MYT1L: variants seen among roughly 807,000 people sequenced by gnomAD.
The protein encoded by MYT1L is myelin transcription factor 1 like.
A neutral mutation model predicts 126.7 loss-of-function variants in MYT1L; 12 were observed. The observed-to-expected ratio is 0.09, with a 90% CI of 0.06 to 0.15. The LOEUF (loss-of-function observed/expected upper bound fraction) is 0.15. MYT1L is among the 10% of genes least tolerant of loss of function. The pLI, the probability that MYT1L is intolerant of heterozygous loss-of-function variation, is 1.00. For synonymous variants in MYT1L, 541 were observed against 604.2 expected (o/e 0.90, Z 1.53); for missense variants, 979 against 1,585.2 (o/e 0.62, Z 6.49).
At chr2:2,171,420 A>G (rs891857641) in intron 3 of MYT1L, among the ~76,000 whole-genome samples, 2 of 152,212 alleles carry the variant, frequency 1.3e-5, no homozygotes, top group Non-Finnish European at 2.9e-5. Flanking sequence ...CCAGTTCAAC[A>G]AAGCCACATG....
At position 2,030,137 on chromosome 2, in the gene MYT1L, G is replaced by A. The variant is rs141886895; in HGVS notation, c.-158+23841C>T. Reference sequence around the variant, plus strand: ...TTTTAAGATGGAGTCTTGCTCTGTCGCCCAGGCTGGAGTGCAATGGTGTGA... The same window carrying A: ...TTTTAAGATGGAGTCTTGCTCTGTCACCCAGGCTGGAGTGCAATGGTGTGA... On this transcript the variant is annotated intron_variant, in intron 4 of 24. Coordinates refer to ENST00000647738, the MANE Select transcript of MYT1L (RefSeq NM_001303052.2). Among the ~76,000 whole-genome samples, 290 of 152,206 alleles carry A rather than the reference G, an allele frequency of 1.9e-3. 2 individuals are homozygous for A. The highest frequency in any genetic ancestry group is 6.6e-3 in the African/African-American group (275 of 41,534).
chr2:2,298,346 C>G (rs2095729441), intron 1 of MYT1L, among the ~76,000 whole-genome samples: 2 of 152,152 alleles, frequency 1.3e-5, no homozygotes, highest in African/African-American at 4.8e-5. Flanking sequence ...ATAAGAGATG[C>G]AATGAGAGAC....
intron 2 of MYT1L, among the ~76,000 whole-genome samples, chr2:2,203,949 T>C (rs926199681): frequency 6.6e-6 from 1 of 152,080 alleles, no homozygotes; most frequent in African/African-American, 2.4e-5. Flanking sequence ...CCCTCAGAAA[T>C]AATGACACAT....
intron 2 of MYT1L, among the ~76,000 whole-genome samples, chr2:2,219,740 G>T (rs1553571671): frequency 6.6e-6 from 1 of 152,172 alleles, no homozygotes; most frequent in Non-Finnish European, 1.5e-5. Flanking sequence ...GTGAGGTCCT[G>T]TTCCAGCCAA....
intron 18 of MYT1L, among the ~76,000 whole-genome samples, chr2:1,861,996 G>GATCTGCCTGCAGCCTGAGT (rs1553273059): frequency 7.9e-5 from 12 of 152,140 alleles, no homozygotes; most frequent in African/African-American, 2.2e-4. Context: ...TGTAATCCTG[G>GATCTGCCTGCAGCCTGAGT]AATTCGCTGA....
rs938582989 is a variant in MYT1L at position 1,912,227 on chromosome 2, C to T, written c.1619-117G>A. On this transcript the variant is annotated intron_variant, in intron 11 of 24. Coordinates refer to ENST00000647738, the MANE Select transcript of MYT1L (RefSeq NM_001303052.2). The surrounding 1 kb of genome is among the most constrained non-coding windows in gnomAD (Gnocchi z 4.3). ...CGCTCATGATAGACAGTCCTACAAACGTTTGTGATGGGCATGGCCAGGAAA... is the reference window on the plus strand; with the variant it reads ...CGCTCATGATAGACAGTCCTACAAATGTTTGTGATGGGCATGGCCAGGAAA... The T allele has an allele frequency of 2.0e-5, 12 of 605,126 alleles. No individual in the cohort carries two copies. The highest frequency in any genetic ancestry group is 1.1e-4 in the African/African-American group (6 of 53,422). The allele number at this position is 605,126 out of a possible 1,614,324, so 37.5% of individuals were successfully genotyped here.
chr2:1,956,218 T>TATCTATCC (rs1558529826), intron 8 of MYT1L, among the ~76,000 whole-genome samples: 3 of 133,650 alleles, frequency 2.2e-5, no homozygotes, highest in Admixed American at 7.0e-5. Flanking sequence ...TCTATCTATC[T>TATCTATCC]ATCTATCTGT....
At chr2:2,072,646 C>A (rs1361401775) in intron 3 of MYT1L, among the ~76,000 whole-genome samples, 2 of 152,138 alleles carry the variant, frequency 1.3e-5, no homozygotes, top group Middle Eastern at 3.2e-3. Flanking sequence ...CAATTGTAAT[C>A]CCCAGGAGTT....
At chr2:1,825,685 T>C (rs2039213934) in intron 21 of MYT1L, 1 of 152,184 alleles carries the variant, frequency 6.6e-6, no homozygotes, top group South Asian at 2.1e-4. Context: ...TGTTAATTTT[T>C]TGTTTGTATA....
chr2:2,218,749 G>C (rs2093765544), intron 2 of MYT1L, among the ~76,000 whole-genome samples: 1 of 152,198 alleles, frequency 6.6e-6, no homozygotes, highest in Non-Finnish European at 1.5e-5. Context: ...ATAAATGAGA[G>C]GGTTTGGTGA....
intron 8 of MYT1L, chr2:1,974,691 G>T (rs2060040433): frequency 6.6e-6 from 1 of 152,100 alleles, no homozygotes; most frequent in Non-Finnish European, 1.5e-5. Flanking sequence ...CGTCTCTAAG[G>T]AGCTGACTTA....
chr2:2,317,065 T>C (rs1311991866), intron 1 of MYT1L, among the ~76,000 whole-genome samples: 1 of 151,856 alleles, frequency 6.6e-6, no homozygotes, highest in Non-Finnish European at 1.5e-5. Context: ...GATCCGCCCA[T>C]CTTGGCCTCC....
At chr2:2,266,204 A>T (rs1018802530) in intron 2 of MYT1L, among the ~76,000 whole-genome samples, 1 of 152,226 alleles carries the variant, frequency 6.6e-6, no homozygotes, top group African/African-American at 2.4e-5. Flanking sequence ...AACTCCATGC[A>T]GCTCCAAATT....
At chr2:2,159,413 T>C (rs1452883139) in intron 3 of MYT1L, among the ~76,000 whole-genome samples, 1 of 152,014 alleles carries the variant, frequency 6.6e-6, no homozygotes, top group Non-Finnish European at 1.5e-5. Flanking sequence ...TAAATGGAGG[T>C]GAGAGGCGCT....
At position 1,910,103 on chromosome 2, in the gene MYT1L, G is replaced by A. The variant is rs944757548; in HGVS notation, c.1817+137C>T. ...GCCTGGAGTGAGGGGTCCTGGCCCC[G>A]GCTTCCAGCACAGCCCCGCCCTCCA... On this transcript the variant is annotated intron_variant, in intron 13 of 24. Transcript: ENST00000647738. The surrounding 1 kb of genome is among the most constrained non-coding windows in gnomAD (Gnocchi z 4.8). The A allele has an allele frequency of 3.2e-5, 24 of 750,924 alleles. No individual in the cohort carries two copies. Among genetic ancestry groups the A allele is most frequent in the Non-Finnish European group, 3.9e-5 (18 of 460,636 alleles). 46.5% of individuals were successfully genotyped at this position (750,924 alleles called of 1,614,324 possible). A position where few individuals can be genotyped will look rare whatever the true frequency, so the allele number is the denominator to read the frequency against.
chr2:2,312,430 G>A (rs945532947), intron 1 of MYT1L, among the ~76,000 whole-genome samples: 8 of 152,008 alleles, frequency 5.3e-5, no homozygotes, highest in Non-Finnish European at 1.2e-4. Context: ...GGGCAACATG[G>A]TGAAACCCCA....
intron 3 of MYT1L, among the ~76,000 whole-genome samples, chr2:2,060,485 T>C (rs1382488070): frequency 6.6e-6 from 1 of 152,220 alleles, no homozygotes; most frequent in Non-Finnish European, 1.5e-5. Flanking sequence ...ACTTTATGTT[T>C]AGTTATTTAG....
rs145530373 is a variant in MYT1L at position 1,888,503 on chromosome 2, G to A, written c.2520+738C>T. 3.2e-3 allele frequency among the ~76,000 whole-genome samples: 491 copies of A among 152,270 alleles called. 8 individuals are homozygous for A. The highest frequency in any genetic ancestry group is 0.026 in the Admixed American group (401 of 15,298). ...TTTTTCCATTTCCTTGTTTCTGTAA[G>A]ACACTAGTGCTTCGATGGTGGTCTC... On this transcript the variant is annotated intron_variant, in intron 16 of 24. Coordinates refer to ENST00000647738, the MANE Select transcript of MYT1L (RefSeq NM_001303052.2).
At chr2:2,151,674 T>C (rs1169635613) in intron 3 of MYT1L, among the ~76,000 whole-genome samples, 1 of 152,202 alleles carries the variant, frequency 6.6e-6, no homozygotes. Flanking sequence ...TTCCTATATA[T>C]ACATACCTAG....
Sources: gnomAD v4.1 joint callset for allele counts (sites outside exome capture counted in the v4.1 genomes callset) on GRCh38, gnomAD v4.1.1 for gene constraint, Gnocchi (gnomAD v3.1) non-coding constraint, MANE v1.5 for transcripts, NCBI Gene and HGNC (gene_info 2026-07-23, HGNC 2026-07-21) for gene names.